Variants in CERS1 observed in about 807,000 individuals in gnomAD.
CERS1 encodes ceramide synthase 1.
A neutral mutation model predicts 35.7 loss-of-function variants in CERS1; 16 were observed. The observed-to-expected ratio is 0.45, with a 90% confidence interval of 0.30 to 0.68. The LOEUF is 0.68. CERS1 is among the 30% of genes least tolerant of loss of function. The pLI, the probability that CERS1 is intolerant of heterozygous loss-of-function variation, is 0.08. For synonymous variants in CERS1, 243 were observed against 201.6 expected, an observed-to-expected ratio of 1.21 and a Z score of -1.74; for missense variants, 454 against 453.9, an observed-to-expected ratio of 1.00 and a Z score of 0.00.
intron 2 of CERS1, among the ~76,000 whole-genome samples, chr19:18,891,107 G>C (rs1464043034): frequency 2.0e-5 from 3 of 150,842 alleles, no homozygotes; most frequent in Non-Finnish European, 4.4e-5. Flanking sequence ...CTGGGTGACA[G>C]AGTGAGACTG....
At chr19:18,892,042 C>T (rs2238659) in intron 2 of CERS1, among the ~76,000 whole-genome samples, 111,917 of 151,796 alleles carry the variant, frequency 0.74, 43,052 homozygotes, top group African/African-American at 0.94. Flanking sequence ...TACAGGCACG[C>T]GCCACCATGC....
chr19:18,893,267 T>C, intron 2 of CERS1, 149 bp downstream of exon 2: 4 of 789,344 alleles, frequency 5.1e-6, no homozygotes, highest in Non-Finnish European at 7.9e-6. Flanking sequence ...CAGGCTGGAG[T>C]GCAGTGGCGT....
intron 5 of CERS1, 47 bp from the exon 6 acceptor site, chr19:18,879,086 C>T (rs755797670): frequency 1.2e-6 from 2 of 1,602,350 alleles, no homozygotes; most frequent in East Asian, 4.5e-5. Flanking sequence ...GCCCCCACGC[C>T]ACTGCCCTGC....
chr19:18,880,515 C>A, intron 3 of CERS1, 80 bp from the exon 4 acceptor site: 2 of 1,377,846 alleles, frequency 1.5e-6, no homozygotes, highest in South Asian at 1.4e-5. Flanking sequence ...CCAGCAGAGT[C>A]CCTGGGCTAC....
chr19:18,869,069 G>T lies in CERS1; in HGVS notation c.*916C>A. Reference sequence around the variant, plus strand: ...AGGGGCCCGGGGGCGTAGCGCCAGCGCCAGGCGGAGGCTGCGCGGCCATGA... The same window carrying T: ...AGGGGCCCGGGGGCGTAGCGCCAGCTCCAGGCGGAGGCTGCGCGGCCATGA... On this transcript the variant is annotated 3_prime_UTR_variant, in exon 8 of 8. Transcript: ENST00000623882. 9.4e-7 allele frequency: 1 copy of T among 1,059,094 alleles called. No homozygotes were observed. Among genetic ancestry groups the T allele is most frequent in the Non-Finnish European group, 1.1e-6 (1 of 878,306 alleles). 65.6% of individuals were successfully genotyped at this position (1,059,094 alleles called of 1,614,324 possible). A position where few individuals can be genotyped will look rare whatever the true frequency, so the allele number is the denominator to read the frequency against.
intron 6 of CERS1, among the ~76,000 whole-genome samples, chr19:18,872,099 G>C (rs1479061174): frequency 6.6e-6 from 1 of 152,246 alleles, no homozygotes; most frequent in Non-Finnish European, 1.5e-5. Flanking sequence ...TCTTAGGTTA[G>C]TTTCTCCACT....
At chr19:18,873,926 T>G (rs2145997071) in intron 6 of CERS1, among the ~76,000 whole-genome samples, 1 of 150,374 alleles carries the variant, frequency 6.7e-6, no homozygotes, top group East Asian at 2.0e-4. Context: ...ACAGGAGTGG[T>G]CTTCGGGATG....
chr19:18,884,709 C>CTTTTTTTTTTTT, intron 2 of CERS1, among the ~76,000 whole-genome samples: 1 of 69,128 alleles, frequency 1.4e-5, no homozygotes, highest in Non-Finnish European at 2.5e-5. Context: ...GCCCAGCCGT[C>CTTTTTTTTTTTT]TTTTTTTTTT....
intron 2 of CERS1, among the ~76,000 whole-genome samples, chr19:18,887,529 G>C (rs2056390726): frequency 6.6e-6 from 1 of 152,192 alleles, no homozygotes; most frequent in Non-Finnish European, 1.5e-5. Context: ...TGGATCACCT[G>C]AGGTCAGGAG....
At chr19:18,892,902 C>G (rs2056527517) in intron 2 of CERS1, among the ~76,000 whole-genome samples, 1 of 151,918 alleles carries the variant, frequency 6.6e-6, no homozygotes, top group East Asian at 1.9e-4. Context: ...GATAAGCATC[C>G]CCTTACACTG....
intron 3 of CERS1, chr19:18,881,561 T>A (rs1387083272): frequency 6.6e-6 from 1 of 152,006 alleles, no homozygotes; most frequent in East Asian, 1.9e-4. Flanking sequence ...CCCCTGTCCT[T>A]CCACAGAGTC....
chr19:18,880,229 A>G, intron 4 of CERS1, 45 bp downstream of exon 4: 1 of 1,495,674 alleles, frequency 6.7e-7, no homozygotes, highest in Non-Finnish European at 9.0e-7. Context: ...CACCCACCTC[A>G]CCAGGCCACA....
chr19:18,878,461 A>G lies in CERS1; in HGVS notation c.1010+469T>C, dbSNP rs4808869. 0.89 allele frequency: 886,913 copies of G among 991,438 alleles called. 397,097 individuals are homozygous for G. The highest frequency in any genetic ancestry group is 0.97 in the African/African-American group (55,584 of 57,398). 61.4% of individuals were successfully genotyped at this position (991,438 alleles called of 1,614,324 possible). A position where few individuals can be genotyped will look rare whatever the true frequency, so the allele number is the denominator to read the frequency against. On this transcript the variant is annotated intron_variant, in intron 6 of 7. Transcript: ENST00000623882. This position sits in a 1 kb window ranked among gnomAD's most constrained non-coding sequence, Gnocchi z 4.6. ...GGCCGGGCAGTGGGCTCCCCTGTCAAACTCAGAGGCCAGGATGTCTCGGCC... is the reference window on the plus strand; with the variant it reads ...GGCCGGGCAGTGGGCTCCCCTGTCAGACTCAGAGGCCAGGATGTCTCGGCC...
At chr19:18,885,514 T>TG (rs2056328705) in intron 2 of CERS1, among the ~76,000 whole-genome samples, 1 of 31,218 alleles carries the variant, frequency 3.2e-5, no homozygotes, top group Non-Finnish European at 8.4e-5. Context: ...CCTTCTCGTT[T>TG]TTTTTTTTTT....
rs1438643656 is a variant in CERS1 at position 18,868,609 on chromosome 19, G to A, written c.*1376C>T. ...TGCCCGCCCCGGGTTAGCGGCAGCC[G>A]CACTCGTCCACCACCATGTCCTCAT... On this transcript the variant is annotated 3_prime_UTR_variant, in exon 8 of 8. Coordinates refer to ENST00000623882, the MANE Select transcript of CERS1 (RefSeq NM_021267.5). The A allele has an allele frequency of 1.9e-6, 3 of 1,559,914 alleles. No individual in the cohort carries two copies. The highest frequency in any genetic ancestry group is 1.7e-6 in the Non-Finnish European group (2 of 1,152,102).
intron 2 of CERS1, among the ~76,000 whole-genome samples, chr19:18,892,161 G>A (rs1380701062): frequency 2.0e-5 from 3 of 151,832 alleles, no homozygotes; most frequent in Non-Finnish European, 4.4e-5. Flanking sequence ...GCCTCCCAAA[G>A]TGCTGGGATA....
In CERS1 at chr19:18,869,139, GC is replaced by G; in HGVS notation, c.*845del. On this transcript the variant is annotated 3_prime_UTR_variant, in exon 8 of 8. Coordinates refer to ENST00000623882, the MANE Select transcript of CERS1 (RefSeq NM_021267.5). ...GCGCCCAGCAGCTCCGCGCGCACTG[GC>G]GGCCCCAGGGCGGGCACCAACTGGC... 9.0e-7 allele frequency: 1 copy of G among 1,108,518 alleles called. No homozygotes were observed. The highest frequency in any genetic ancestry group is 1.1e-6 in the Non-Finnish European group (1 of 908,310). 68.7% of individuals were successfully genotyped at this position (1,108,518 alleles called of 1,614,324 possible).
Position 18,895,384 on chromosome 19 carries a change from G to A in CERS1, c.249+440C>T, listed in dbSNP as rs544463482. Reference sequence around the variant, plus strand: ...AGGCCGCGGTGCGCCGAGCCCTCCCGTTCCCGGTCCTGGGCTTCTCAGTGT... The same window carrying A: ...AGGCCGCGGTGCGCCGAGCCCTCCCATTCCCGGTCCTGGGCTTCTCAGTGT... On this transcript the variant is annotated intron_variant, in intron 1 of 7. Coordinates refer to ENST00000623882, the MANE Select transcript of CERS1 (RefSeq NM_021267.5). This position sits in a 1 kb window ranked among gnomAD's most constrained non-coding sequence, Gnocchi z 6.4. 1.3e-5 allele frequency among the ~76,000 whole-genome samples: 2 copies of A among 152,146 alleles called. No homozygotes were observed. Among genetic ancestry groups the A allele is most frequent in the African/African-American group, 4.8e-5 (2 of 41,454 alleles).
intron 3 of CERS1, chr19:18,883,296 A>T (rs988959915): frequency 6.6e-6 from 1 of 152,232 alleles, no homozygotes; most frequent in Non-Finnish European, 1.5e-5. Flanking sequence ...AGAAAGAGAA[A>T]AGAACAGGTA....
Sources: gnomAD v4.1 joint callset for allele counts (sites outside exome capture counted in the v4.1 genomes callset) on GRCh38, gnomAD v4.1.1 for gene constraint, Gnocchi (gnomAD v3.1) non-coding constraint, MANE v1.5 for transcripts, NCBI Gene and HGNC (gene_info 2026-07-23, HGNC 2026-07-21) for gene names.